Variants in PKD1L3 observed in about 807,000 individuals in gnomAD.
PKD1L3 encodes polycystin 1 like 3, transient receptor potential channel interacting.
Under a neutral mutation model 184.1 loss-of-function variants are expected in PKD1L3, and 239 were observed. The ratio of observed to expected loss-of-function variants is 1.30; its 90% CI spans 1.17 to 1.45. The LOEUF is 1.45. Among genes scored for constraint, PKD1L3 ranks in the 40% most tolerant of loss-of-function variants. PKD1L3 has a pLI of 0.00. For missense variants in PKD1L3, 2,660 were observed against 2,067.2 expected (o/e 1.29, Z -5.56); for synonymous variants, 996 against 778.8 (o/e 1.28, Z -4.64).
In PKD1L3 at chr16:71,982,046, A is replaced by G; in HGVS notation, c.1143+13T>C. 6.5e-7 allele frequency: 1 copy of G among 1,535,508 alleles called. No individual in the cohort carries two copies. The highest frequency in any genetic ancestry group is 8.8e-7 in the Non-Finnish European group (1 of 1,140,552). On this transcript the variant is annotated intron_variant, in intron 7 of 29. Coordinates refer to ENST00000620267, the MANE Select transcript of PKD1L3 (RefSeq NM_181536.2). ...TCTAAGCAGATCTGGCCACCTGCAT[A>G]TCTGGCACCTACCGGCTCAGTATGA...
At chr16:71,975,078 C>T (rs1351005112) in intron 11 of PKD1L3, among the ~76,000 whole-genome samples, 2 of 152,102 alleles carry the variant, frequency 1.3e-5, no homozygotes, top group Non-Finnish European at 2.9e-5. Context: ...TTTTTAGAGA[C>T]AGTGTCTTGC....
chr16:71,995,242 C>T (rs2040746228), intron 2 of PKD1L3, among the ~76,000 whole-genome samples: 1 of 150,270 alleles, frequency 6.7e-6, no homozygotes, highest in Non-Finnish European at 1.5e-5. Context: ...ATCCCATTCA[C>T]AAGGGAGGAG....
chr16:71,997,818 G>A (rs566695122), intron 2 of PKD1L3, among the ~76,000 whole-genome samples: 3 of 151,686 alleles, frequency 2.0e-5, no homozygotes, highest in East Asian at 1.9e-4. Context: ...AAATGCATAC[G>A]TACATACATA....
intron 16 of PKD1L3, among the ~76,000 whole-genome samples, chr16:71,958,949 T>C (rs1282337269): frequency 6.6e-6 from 1 of 150,950 alleles, no homozygotes; most frequent in Non-Finnish European, 1.5e-5. Context: ...TAGCCAGGCA[T>C]GGCAGCGTGT....
Position 71,949,346 on chromosome 16 carries a change from CT to C in PKD1L3, c.3618+436del, listed in dbSNP as rs543483265. Among the ~76,000 whole-genome samples the C allele has an allele frequency of 3.0e-3, 366 of 122,764 alleles. 1 individual carries two copies. Among genetic ancestry groups the C allele is most frequent in the Middle Eastern group, 8.8e-3 (2 of 226 alleles). The allele number at this position is 122,764 out of a possible 152,430, so 80.5% of individuals were successfully genotyped here. On this transcript the variant is annotated intron_variant, in intron 21 of 29. Transcript: ENST00000620267. ...CAAATGTCAGTTAAATGTCAGTTTG[CT>C]TTTTTTTTTTTTTTTTTAGTTTTGA...
In PKD1L3 at chr16:71,993,352, C is replaced by G; in HGVS notation, c.419-20G>C. The G allele has an allele frequency of 6.9e-7, 1 of 1,455,262 alleles. No homozygotes were observed. The highest frequency in any genetic ancestry group is 9.4e-7 in the Non-Finnish European group (1 of 1,065,518). 90.1% of individuals were successfully genotyped at this position (1,455,262 alleles called of 1,614,324 possible). ...AGTCACCTATTTGAAAGCCAACACA[C>G]AAGTTAATTTATAGGTTATAGCTAT... is the stretch of plus-strand genomic sequence containing the variant. On this transcript the variant is annotated intron_variant, in intron 2 of 29. Coordinates refer to ENST00000620267, the MANE Select transcript of PKD1L3 (RefSeq NM_181536.2).
intron 3 of PKD1L3, among the ~76,000 whole-genome samples, chr16:71,992,863 T>A (rs772824978): frequency 6.6e-6 from 1 of 152,206 alleles, no homozygotes; most frequent in Non-Finnish European, 1.5e-5. Flanking sequence ...GGCTAATGCA[T>A]CCTTCCCAAA....
intron 4 of PKD1L3, among the ~76,000 whole-genome samples, chr16:71,989,223 T>G (rs779505237): frequency 6.6e-6 from 1 of 152,228 alleles, no homozygotes; most frequent in Non-Finnish European, 1.5e-5. Flanking sequence ...GGCACAATCT[T>G]GGCCCACTGC....
At chr16:71,947,221 C>T (rs900685575) in intron 22 of PKD1L3, among the ~76,000 whole-genome samples, 4 of 152,104 alleles carry the variant, frequency 2.6e-5, no homozygotes, top group Non-Finnish European at 4.4e-5. Context: ...CACATCATTG[C>T]ACTCCAGCCT....
chr16:71,931,575 CTCAG>C (rs1445750638), intron 28 of PKD1L3, among the ~76,000 whole-genome samples: 2 of 151,022 alleles, frequency 1.3e-5, no homozygotes, highest in African/African-American at 4.9e-5. Context: ...AGCGATTCTC[CTCAG>C]TCAGTCTCCT....
intron 3 of PKD1L3, chr16:71,991,122 G>A (rs1405617395): frequency 6.7e-5 from 11 of 164,174 alleles, no homozygotes; most frequent in Non-Finnish European, 4.1e-5. Context: ...TACAGCATAA[G>A]TATATGTGCC....
rs199925674 is a variant in PKD1L3, at chr16:71,963,245, C to T, written c.2572G>A (p.Val858Ile). ...TCTCTCTTTGAAACTGGGATGAAGA[C>T]CCGGTCAAGCTCACAGTCTCCGAGG... is the stretch of plus-strand genomic sequence containing the variant. Reference protein sequence around the residue: ...VDLGDCELDRVFIPVSKRELF... With the variant: ...VDLGDCELDRIFIPVSKRELF... The change falls in exon 16 of 30, where the codon GTC becomes ATC. Residue 858 changes from valine (V) to isoleucine (I), a missense_variant. Transcript: ENST00000620267. 194 of 1,550,818 alleles carry T rather than the reference C, an allele frequency of 1.3e-4. No individual in the cohort carries two copies. The highest frequency in any genetic ancestry group is 1.6e-4 in the Non-Finnish European group (188 of 1,146,658).
At chr16:71,980,646 C>T (rs1025748857) in intron 7 of PKD1L3, among the ~76,000 whole-genome samples, 2 of 151,988 alleles carry the variant, frequency 1.3e-5, no homozygotes, top group African/African-American at 2.4e-5. Flanking sequence ...CCTACCTGGC[C>T]GACATTGTGA....
chr16:71,951,479 G>T (rs576276820), intron 19 of PKD1L3, 85 bp downstream of exon 19: 3 of 1,354,786 alleles, frequency 2.2e-6, no homozygotes, highest in South Asian at 3.0e-5. Flanking sequence ...AGGCCTGTCG[G>T]TTATGAATGA....
In PKD1L3 at chr16:71,933,048, C is replaced by T. The variant is rs960488143; in HGVS notation, c.4926+372G>A. Among the ~76,000 whole-genome samples, 7 of 152,214 alleles carry T rather than the reference C, an allele frequency of 4.6e-5. No individual in the cohort carries two copies. In the South Asian group the frequency reaches 1.4e-3, roughly 32 times the overall value. ...CAAGCAGTCCTCCCCTTCTTGGCCT[C>T]TCATGGCTTGAACCAACTTACCCTA... On this transcript the variant is annotated intron_variant, in intron 28 of 29. Transcript: ENST00000620267.
At chr16:71,976,637 G>A (rs983961873) in intron 11 of PKD1L3, among the ~76,000 whole-genome samples, 1 of 152,118 alleles carries the variant, frequency 6.6e-6, no homozygotes, top group African/African-American at 2.4e-5. Context: ...AAAAAAAAGT[G>A]GCCACATGAA....
chr16:71,958,712 C>T (rs533434815), intron 16 of PKD1L3, among the ~76,000 whole-genome samples: 19 of 135,322 alleles, frequency 1.4e-4, no homozygotes, highest in Admixed American at 2.5e-4. Flanking sequence ...ATCCAGGAGG[C>T]GGAGGTTGCA....
intron 12 of PKD1L3, 59 bp from the exon 13 acceptor site, chr16:71,970,164 C>T: frequency 7.4e-7 from 1 of 1,345,048 alleles, no homozygotes; most frequent in Admixed American, 2.2e-5. Flanking sequence ...AGGGGACAGA[C>T]ATAAAACAAA....
In PKD1L3 at chr16:71,973,276, C is replaced by T. The variant is rs1287833048; in HGVS notation, c.1953+48G>A. On this transcript the variant is annotated intron_variant, in intron 12 of 29. Transcript: ENST00000620267. ...GAGATAACGGATGCATTGGGCTTAACAGTAGCTATGGCAGAAGAGAGGCCC... is the reference window on the plus strand; with the variant it reads ...GAGATAACGGATGCATTGGGCTTAATAGTAGCTATGGCAGAAGAGAGGCCC... 6 of 1,528,592 alleles carry T rather than the reference C, an allele frequency of 3.9e-6. No homozygotes were observed. In the Admixed American group the frequency reaches 1.2e-4, roughly 30 times the overall value. 94.7% of individuals were successfully genotyped at this position (1,528,592 alleles called of 1,614,324 possible). A position where few individuals can be genotyped will look rare whatever the true frequency, so the allele number is the denominator to read the frequency against.
Sources: allele counts gnomAD v4.1 joint callset (sites outside exome capture counted in the v4.1 genomes callset), GRCh38; gene constraint gnomAD v4.1.1; transcripts MANE v1.5; gene names NCBI Gene and HGNC (gene_info 2026-07-23, HGNC 2026-07-21).